ARHGAP23: variants seen among roughly 807,000 people sequenced by gnomAD.
ARHGAP23 encodes the protein Rho GTPase activating protein 23, also known as rho GTPase-activating protein 23.
ARHGAP23 carries 34 observed loss-of-function variants against 136.3 expected under a neutral mutation model. The observed-to-expected ratio is 0.25, with a 90% confidence interval of 0.19 to 0.33. ARHGAP23 has a LOEUF of 0.33. Among genes scored for constraint, ARHGAP23 ranks in the 10% least tolerant of loss-of-function variants. ARHGAP23 has a pLI of 1.00. For synonymous variants in ARHGAP23, 832 were observed against 920.5 expected, an observed-to-expected ratio of 0.90 and a Z score of 1.74; for missense variants, 1,808 against 2,139.0, an observed-to-expected ratio of 0.85 and a Z score of 3.05.
chr17:38,486,283 A>C, intron 17 of ARHGAP23, 143 bp downstream of exon 17: 1 of 789,136 alleles, frequency 1.3e-6, no homozygotes, highest in Middle Eastern at 2.9e-4. Context: ...GCTGGAGTGC[A>C]GTGGCGCAAT....
chr17:38,479,214 T>C (rs1296308069), intron 12 of ARHGAP23, among the ~76,000 whole-genome samples: 1 of 152,074 alleles, frequency 6.6e-6, no homozygotes, highest in Middle Eastern at 3.2e-3. Context: ...TAGCCCCCCA[T>C]GTTTATTACC....
At chr17:38,431,538 C>T (rs1253603678) in intron 1 of ARHGAP23, among the ~76,000 whole-genome samples, 1 of 152,164 alleles carries the variant, frequency 6.6e-6, no homozygotes, top group Non-Finnish European at 1.5e-5. Flanking sequence ...ATCCAGGCCC[C>T]CCTGTTTCTT....
chr17:38,443,315 T>G (rs1018759346), intron 1 of ARHGAP23, among the ~76,000 whole-genome samples: 1 of 152,186 alleles, frequency 6.6e-6, no homozygotes, highest in Admixed American at 6.5e-5. Flanking sequence ...TTCCAGAGGT[T>G]GGTTAAATGA....
chr17:38,474,564 G>A (rs975690877), intron 11 of ARHGAP23, among the ~76,000 whole-genome samples: 7 of 152,126 alleles, frequency 4.6e-5, no homozygotes, highest in Non-Finnish European at 1.0e-4. Flanking sequence ...GCTCCACTGG[G>A]GCTATGTGAG....
intron 6 of ARHGAP23, among the ~76,000 whole-genome samples, chr17:38,464,401 T>C (rs999171840): frequency 6.6e-6 from 1 of 152,240 alleles, no homozygotes; most frequent in Admixed American, 6.5e-5. Context: ...CCCAGCCAGA[T>C]GGCGGCTTAC....
chr17:38,440,347 C>T (rs1241553443), intron 1 of ARHGAP23, among the ~76,000 whole-genome samples: 1 of 152,200 alleles, frequency 6.6e-6, no homozygotes, highest in Non-Finnish European at 1.5e-5. Flanking sequence ...AACACTATGC[C>T]CTACAGCACC....
upstream of ARHGAP23, among the ~76,000 whole-genome samples, chr17:38,425,147 GCCT>G: frequency 6.6e-6 from 1 of 152,112 alleles, no homozygotes; most frequent in Admixed American, 6.5e-5. Flanking sequence ...GCACGGAAGC[GCCT>G]CTGGGCAGCC....
chr17:38,505,046 C>T (rs2040603455), intron 23 of ARHGAP23, among the ~76,000 whole-genome samples: 1 of 114,442 alleles, frequency 8.7e-6, no homozygotes, highest in Non-Finnish European at 1.7e-5. Context: ...GCTCTGTCAC[C>T]CAGGCTGGAG....
At chr17:38,472,423 A>C (rs187987023) in intron 11 of ARHGAP23, among the ~76,000 whole-genome samples, 1 of 147,038 alleles carries the variant, frequency 6.8e-6, no homozygotes. Flanking sequence ...GGCAACCAAA[A>C]GCTCTCGGGG....
chr17:38,466,849 C>G lies in ARHGAP23; in HGVS notation c.1166C>G (p.Thr389Ser). The G allele has an allele frequency of 6.5e-7, 1 of 1,548,902 alleles. No homozygotes were observed. The highest frequency in any genetic ancestry group is 8.7e-7 in the Non-Finnish European group (1 of 1,146,618). Residue 389 changes from threonine to serine, a missense_variant, in exon 7 of 24, where the codon ACC becomes AGC. By Grantham distance (58) the Thr-to-Ser change is moderately conservative. Transcript: ENST00000622683. ...GCTTCCCAGCGTTCGTCTGCCCGCA[C>G]CCCCGCCTGCCCAACTCGGGACCTG... ...GWASQRSSAR[T>S]PACPTRDLPG...
Position 38,500,345 on chromosome 17 carries a change from G to A in ARHGAP23, c.3416-252G>A. 4 of 550,284 alleles carry A rather than the reference G, an allele frequency of 7.3e-6. No individual in the cohort carries two copies. In the South Asian group the frequency reaches 9.4e-5, roughly 13 times the overall value. The allele number at this position is 550,284 out of a possible 1,614,324, so 34.1% of individuals were successfully genotyped here. On this transcript the variant is annotated intron_variant, in intron 22 of 23. Coordinates refer to ENST00000622683, the MANE Select transcript of ARHGAP23 (RefSeq NM_001199417.2). The stretch of plus-strand genomic sequence containing the variant: ...CTTGCCCTTAGCCATCGGTAAATGA[G>A]GGGCCAGTGGCTGGCAGCCTGATGT...
At chr17:38,434,989 T>C (rs2038764326) in intron 1 of ARHGAP23, among the ~76,000 whole-genome samples, 1 of 152,226 alleles carries the variant, frequency 6.6e-6, no homozygotes. Flanking sequence ...AACTCTGTAT[T>C]GTTCCTGAAA....
At position 38,466,216 on chromosome 17, in the gene ARHGAP23, A is replaced by G. The variant is rs1410355514; in HGVS notation, c.533A>G (p.Glu178Gly). 1 of 1,537,190 alleles carries G rather than the reference A, an allele frequency of 6.5e-7. No individual in the cohort carries two copies. Among genetic ancestry groups the G allele is most frequent in the African/African-American group, 1.4e-5 (1 of 72,222 alleles). The part of the protein sequence containing the change: ...YLKGNEPYSG[E>G]ARSIPEPPPI... Reference sequence around the variant, plus strand: ...AAAGGGAACGAGCCGTATTCTGGAGAGGCCCGCAGCATCCCAGAGCCACCC... The same window carrying G: ...AAAGGGAACGAGCCGTATTCTGGAGGGGCCCGCAGCATCCCAGAGCCACCC... The change falls in exon 7 of 24, where the codon GAG becomes GGG. Residue 178 changes from glutamate (E) to glycine (G), a missense_variant. Around this residue, in one of 7 missense-constraint regions of ARHGAP23, gnomAD observed 859 missense variants for 936.4 expected, o/e 0.92. Transcript: ENST00000622683.
chr17:38,507,408 A>G (rs1446879568), intron 23 of ARHGAP23, among the ~76,000 whole-genome samples: 3 of 152,074 alleles, frequency 2.0e-5, no homozygotes, highest in Non-Finnish European at 4.4e-5. Flanking sequence ...GATTGCTGTG[A>G]CAGGGAGAAA....
At chr17:38,458,016 C>T (rs928747074) in intron 1 of ARHGAP23, 86 bp from the exon 2 acceptor site, 30 of 1,478,926 alleles carry the variant, frequency 2.0e-5, no homozygotes, top group South Asian at 1.3e-4. Flanking sequence ...GGTGCCCCTC[C>T]GGTCCTGTGG....
In ARHGAP23 at chr17:38,497,888, G is replaced by T. The variant is rs994723313; in HGVS notation, c.3318+62G>T. The T allele has an allele frequency of 2.2e-5, 34 of 1,521,262 alleles. 1 individual carries two copies. Among genetic ancestry groups the T allele is most frequent in the Non-Finnish European group, 2.9e-5 (33 of 1,120,646 alleles). The allele number at this position is 1,521,262 out of a possible 1,614,324, so 94.2% of individuals were successfully genotyped here. On this transcript the variant is annotated intron_variant, in intron 21 of 23. Transcript: ENST00000622683. Reference sequence around the variant, plus strand: ...GGTCTGGGGTGAGCCCCAGTCCTTGGGGGTGGGGCAGGCAGCGGGACTTAA... The same window carrying T: ...GGTCTGGGGTGAGCCCCAGTCCTTGTGGGTGGGGCAGGCAGCGGGACTTAA...
chr17:38,445,116 C>G (rs952911987), intron 1 of ARHGAP23, among the ~76,000 whole-genome samples: 2 of 151,712 alleles, frequency 1.3e-5, no homozygotes, highest in African/African-American at 4.8e-5. Context: ...CCGTGCCTGG[C>G]CTTTTATTTT....
intron 1 of ARHGAP23, among the ~76,000 whole-genome samples, chr17:38,421,069 G>C (rs758910546): frequency 4.5e-4 from 69 of 152,222 alleles, no homozygotes; most frequent in African/African-American, 1.6e-3. Flanking sequence ...TCAGCCCTCC[G>C]TAACTGTTCT....
At position 38,444,209 on chromosome 17, in the gene ARHGAP23, G is replaced by A. The variant is rs527997055; in HGVS notation, c.64-13893G>A. ...GGAGCTGAGGGGCCTGGGGAGCGAGGTTGAGGGAATGAGGACCCTTCTGCT... is the reference window on the plus strand; with the variant it reads ...GGAGCTGAGGGGCCTGGGGAGCGAGATTGAGGGAATGAGGACCCTTCTGCT... On this transcript the variant is annotated intron_variant, in intron 1 of 23. Transcript: ENST00000622683. Among the ~76,000 whole-genome samples the A allele has an allele frequency of 3.6e-3, 543 of 152,226 alleles. 2 individuals are homozygous for A. The highest frequency in any genetic ancestry group is 6.3e-3 in the Non-Finnish European group (430 of 67,988).
Sources: gnomAD v4.1 joint callset for allele counts (sites outside exome capture counted in the v4.1 genomes callset) on GRCh38, gnomAD v4.1.1 for gene constraint, gnomAD v4.1.1 regional missense constraint, MANE v1.5 for transcripts, NCBI Gene and HGNC (gene_info 2026-07-23, HGNC 2026-07-21) for gene names.